MMP11: variants seen among roughly 807,000 people sequenced by gnomAD.
MMP11 encodes stromelysin-3.
A neutral mutation model predicts 49.5 loss-of-function variants in MMP11; 26 were observed. The ratio of observed to expected loss-of-function variants is 0.52; its 90% confidence interval spans 0.38 to 0.73. The LOEUF is 0.73. MMP11 is among the 30% of genes least tolerant of loss of function. The pLI, the probability that MMP11 is intolerant of heterozygous loss-of-function variation, is 0.00. For synonymous variants in MMP11, 265 were observed against 282.3 expected (o/e 0.94, Z 0.62); for missense variants, 624 against 671.2 (o/e 0.93, Z 0.78).
At position 23,780,374 on chromosome 22, in the gene MMP11, A is replaced by G. The variant is rs1475724305; in HGVS notation, c.354A>G (p.Pro118=). 2 of 1,613,190 alleles carry G rather than the reference A, an allele frequency of 1.2e-6. No homozygotes were observed. Among genetic ancestry groups the G allele is most frequent in the Non-Finnish European group, 1.7e-6 (2 of 1,180,008 alleles). Residue 118 remains proline (P), a synonymous_variant, in exon 3 of 8, where the codon CCA becomes CCG. Coordinates refer to ENST00000215743, the MANE Select transcript of MMP11 (RefSeq NM_005940.5). This position sits in a 1 kb window ranked among gnomAD's most constrained non-coding sequence, Gnocchi z 4.6. ...CTCCCTCCAGGATCCTTCGGTTCCCATGGCAGTTGGTGCAGGAGCAGGTGC... is the reference window on the plus strand; with the variant it reads ...CTCCCTCCAGGATCCTTCGGTTCCCGTGGCAGTTGGTGCAGGAGCAGGTGC... ...TDLTYRILRF[P]WQLVQEQVRQ...
intron 1 of MMP11, among the ~76,000 whole-genome samples, chr22:23,777,121 A>C (rs1927438252): frequency 7.0e-6 from 1 of 143,214 alleles, no homozygotes; most frequent in Non-Finnish European, 1.5e-5. Flanking sequence ...AGTGCTAAGT[A>C]CTTATTAACA....
At chr22:23,779,464 G>C in intron 2 of MMP11, 48 bp downstream of exon 2, 2 of 1,510,768 alleles carry the variant, frequency 1.3e-6, no homozygotes, top group East Asian at 2.4e-5. Flanking sequence ...TGTGTCCGTG[G>C]GTAAGCCAGC....
At chr22:23,777,616 C>T (rs1171723690) in intron 1 of MMP11, 6 of 147,328 alleles carry the variant, frequency 4.1e-5, no homozygotes, top group African/African-American at 1.5e-4. Flanking sequence ...GCACCTGTAA[C>T]CCCAGCTACT....
chr22:23,778,884 C>G (rs1478604617), intron 1 of MMP11, among the ~76,000 whole-genome samples: 1 of 152,172 alleles, frequency 6.6e-6, no homozygotes, highest in Non-Finnish European at 1.5e-5. Flanking sequence ...GGCTCATAGC[C>G]AGTCCCAGTG....
At position 23,779,319 on chromosome 22, in the gene MMP11, G is replaced by C; in HGVS notation, c.241G>C (p.Gly81Arg). Residue 81 changes from glycine to arginine, a missense_variant, in exon 2 of 8, where the codon GGC (glycine) becomes CGC (arginine). By Grantham distance (125) the Gly-to-Arg change is moderately radical (BLOSUM62 -2). Coordinates refer to ENST00000215743, the MANE Select transcript of MMP11 (RefSeq NM_005940.5). ...CAGCAGCCTCAGGCCTCCCCGCTGTGGCGTGCCCGACCCATCTGATGGGCT... is the reference window on the plus strand; with the variant it reads ...CAGCAGCCTCAGGCCTCCCCGCTGTCGCGTGCCCGACCCATCTGATGGGCT... ...PASSLRPPRC[G>R]VPDPSDGLSA... The C allele has an allele frequency of 1.2e-6, 2 of 1,612,638 alleles. No homozygotes were observed. Among genetic ancestry groups the C allele is most frequent in the Admixed American group, 3.3e-5 (2 of 59,956 alleles).
intron 6 of MMP11, 111 bp downstream of exon 6, chr22:23,781,520 T>C: frequency 9.4e-7 from 1 of 1,065,666 alleles, no homozygotes; most frequent in East Asian, 2.6e-5. Flanking sequence ...TAGGGAGAGC[T>C]GCCCCAAAGC....
At position 23,781,274 on chromosome 22, in the gene MMP11, G is replaced by T. The variant is rs1456021715; in HGVS notation, c.940G>T (p.Gly314Cys). 7 of 1,611,886 alleles carry T rather than the reference G, an allele frequency of 4.3e-6. No individual in the cohort carries two copies. The highest frequency in any genetic ancestry group is 5.9e-6 in the Non-Finnish European group (7 of 1,180,030). ...AGGCGAGCTCTTTTTCTTCAAAGCG[G>T]GCTTTGTGTGGCGCCTCCGTGGGGG... ...IRGELFFFKA[G>C]FVWRLRGGQL... The change falls in exon 6 of 8, where the codon GGC becomes TGC. Residue 314 changes from glycine (G) to cysteine (C), a missense_variant. Coordinates refer to ENST00000215743, the MANE Select transcript of MMP11 (RefSeq NM_005940.5).
Position 23,784,267 on chromosome 22 carries a change from CT to C in MMP11, c.*736del, listed in dbSNP as rs56393727. The C allele has an allele frequency of 0.9, 133,834 of 148,784 alleles. 60,322 individuals are homozygous for C. Among genetic ancestry groups the C allele is most frequent in the Middle Eastern group, 0.93 (272 of 292 alleles). The allele number at this position is 148,784 out of a possible 1,614,324, so 9.2% of individuals were successfully genotyped here. The stretch of plus-strand genomic sequence containing the variant: ...TACAGTGTGTATAAACCTTCTTCTT[CT>C]TTTTTTTTTTTTAAACTGAGGATTG... On this transcript the variant is annotated 3_prime_UTR_variant, in exon 8 of 8. Coordinates refer to ENST00000215743, the MANE Select transcript of MMP11 (RefSeq NM_005940.5).
At chr22:23,774,233 G>C (rs967016536) in intron 1 of MMP11, among the ~76,000 whole-genome samples, 1 of 152,174 alleles carries the variant, frequency 6.6e-6, no homozygotes, top group Non-Finnish European at 1.5e-5. Flanking sequence ...GCCTACTGCT[G>C]TGTCCACTGT....
In MMP11 at chr22:23,780,672, C is replaced by G; in HGVS notation, c.573C>G (p.Val191=). The change falls in exon 4 of 8, where the codon GTC becomes GTG. Residue 191 remains valine, a synonymous_variant. Transcript: ENST00000215743. The surrounding 1 kb of genome is among the most constrained non-coding windows in gnomAD (Gnocchi z 4.6). The part of the protein sequence containing the change: ...FFPKTHREGD[V]HFDYDETWTI... ...CCAAGACTCACCGAGAAGGGGATGT[C>G]CACTTCGACTATGATGAGACCTGGA... The G allele has an allele frequency of 1.3e-6, 2 of 1,577,828 alleles. No homozygotes were observed. Among genetic ancestry groups the G allele is most frequent in the Non-Finnish European group, 1.7e-6 (2 of 1,164,314 alleles).
Position 23,783,652 on chromosome 22 carries a change from C to A in MMP11, c.*108C>A. 6.9e-7 allele frequency: 1 copy of A among 1,459,382 alleles called. No individual in the cohort carries two copies. The highest frequency in any genetic ancestry group is 9.5e-7 in the Non-Finnish European group (1 of 1,054,654). The allele number at this position is 1,459,382 out of a possible 1,614,324, so 90.4% of individuals were successfully genotyped here. On this transcript the variant is annotated 3_prime_UTR_variant, in exon 8 of 8. Transcript: ENST00000215743. ...TGTGGGCACCAGGCATGGGACTGAG[C>A]CCATGTCTCCTCAGGGGGATGGGGT...
Position 23,779,390 on chromosome 22 carries a change from C to T in MMP11, c.312C>T (p.Arg104=), listed in dbSNP as rs1420613454. Residue 104 remains arginine (R), a synonymous_variant, in exon 2 of 8, where the codon CGC becomes CGT. Coordinates refer to ENST00000215743, the MANE Select transcript of MMP11 (RefSeq NM_005940.5). ...AGAGGTTCGTGCTTTCTGGCGGGCG[C>T]TGGGAGAAGACGGACCTCACCTACA... ...RQKRFVLSGG[R]WEKTDLTYRI... The T allele has an allele frequency of 2.5e-6, 4 of 1,612,572 alleles. No individual in the cohort carries two copies. Among genetic ancestry groups the T allele is most frequent in the Non-Finnish European group, 3.4e-6 (4 of 1,179,718 alleles).
intron 1 of MMP11, among the ~76,000 whole-genome samples, chr22:23,776,833 A>T (rs1601369277): frequency 7.2e-6 from 1 of 138,356 alleles, no homozygotes; most frequent in African/African-American, 2.8e-5. Flanking sequence ...TTTGAGATGG[A>T]GTCTCGCTCT....
At position 23,781,435 on chromosome 22, in the gene MMP11, G is replaced by A. The variant is rs752768444; in HGVS notation, c.1075+26G>A. The A allele has an allele frequency of 1.6e-5, 25 of 1,555,790 alleles. 1 individual carries two copies. In the South Asian group the frequency reaches 1.7e-4, roughly 11 times the overall value. ...GTGAGTGGGGGTTGGGGATCTGCTC[G>A]AGAGACTTCCCAGAGCCAGGAATGT... On this transcript the variant is annotated intron_variant, in intron 6 of 7. Transcript: ENST00000215743.
intron 7 of MMP11, 63 bp from the exon 8 acceptor site, chr22:23,783,348 C>T: frequency 6.3e-7 from 1 of 1,597,832 alleles, no homozygotes; most frequent in Non-Finnish European, 8.6e-7. Context: ...CTGGGCACAG[C>T]CTGACAGGCA....
intron 2 of MMP11, chr22:23,779,644 G>A (rs982338467): frequency 1.7e-5 from 10 of 573,652 alleles, no homozygotes; most frequent in African/African-American, 5.6e-5. Context: ...CAGAGCCTCC[G>A]TCATCATGCA....
chr22:23,778,117 C>G (rs1389181289), intron 1 of MMP11, among the ~76,000 whole-genome samples: 1 of 152,230 alleles, frequency 6.6e-6, no homozygotes, highest in East Asian at 1.9e-4. Context: ...TCTCAGCAAG[C>G]AGCACAGCTC....
Position 23,780,307 on chromosome 22 carries a change from C to T in MMP11, c.339-52C>T. ...CCAGGGGCAACTCCTGGTGCCTCAG[C>T]CATCGGGGGCTGTCCCTTCCCTGAG... is the stretch of plus-strand genomic sequence containing the variant. On this transcript the variant is annotated intron_variant, in intron 2 of 7. Coordinates refer to ENST00000215743, the MANE Select transcript of MMP11 (RefSeq NM_005940.5). The surrounding 1 kb of genome is among the most constrained non-coding windows in gnomAD (Gnocchi z 4.6). 1.2e-6 allele frequency: 2 copies of T among 1,609,092 alleles called. No homozygotes were observed. The highest frequency in any genetic ancestry group is 1.7e-6 in the Non-Finnish European group (2 of 1,178,130).
intron 1 of MMP11, among the ~76,000 whole-genome samples, chr22:23,778,013 G>T (rs907629010): frequency 6.6e-6 from 1 of 152,246 alleles, no homozygotes; most frequent in African/African-American, 2.4e-5. Flanking sequence ...GCTGCCAAAG[G>T]CTGAGGGTGA....
Sources: gnomAD v4.1 joint callset for allele counts (sites outside exome capture counted in the v4.1 genomes callset) on GRCh38, gnomAD v4.1.1 for gene constraint, Gnocchi (gnomAD v3.1) non-coding constraint, MANE v1.5 for transcripts, NCBI Gene and HGNC (gene_info 2026-07-23, HGNC 2026-07-21) for gene names.